SYNPR: variants seen among roughly 807,000 people sequenced by gnomAD.
The protein encoded by SYNPR is synaptoporin.
Under a neutral mutation model 32.9 loss-of-function variants are expected in SYNPR, and 23 were observed. The observed-to-expected ratio is 0.70, with a 90% CI of 0.50 to 0.99. The LOEUF (loss-of-function observed/expected upper bound fraction) is 0.99. Ranked by LOEUF, SYNPR falls within the 50% of genes least tolerant of loss-of-function variation. The pLI is 0.00. For synonymous variants in SYNPR, 146 were observed against 135.9 expected (o/e 1.07, Z -0.52); for missense variants, 318 against 349.3 (o/e 0.91, Z 0.71).
At chr3:63,584,364 G>C (rs1199974393) in intron 4 of SYNPR, among the ~76,000 whole-genome samples, 1 of 152,134 alleles carries the variant, frequency 6.6e-6, no homozygotes. Context: ...TTAAAGCAAT[G>C]AGTTCAGCTT....
At chr3:63,361,533 G>A (rs1216481749) in intron 2 of SYNPR, among the ~76,000 whole-genome samples, 1 of 150,206 alleles carries the variant, frequency 6.7e-6, no homozygotes, top group Non-Finnish European at 1.5e-5. Flanking sequence ...GGGAGGCGGA[G>A]CTTGCAGTGA....
At chr3:63,330,106 C>G (rs2087210278) in intron 2 of SYNPR, 1 of 152,136 alleles carries the variant, frequency 6.6e-6, no homozygotes, top group Non-Finnish European at 1.5e-5. Context: ...CTCAGTGACT[C>G]TTTCTGGACT....
At chr3:63,222,035 T>C in the SYNPR span, among the ~76,000 whole-genome samples, 1 of 142,074 alleles carries the variant, frequency 7.0e-6, no homozygotes, top group African/African-American at 2.7e-5. Flanking sequence ...TTTTTTTTTT[T>C]TGTGAAATGC....
At chr3:63,235,796 TCA>T (rs768165018) in intron 1 of SYNPR, among the ~76,000 whole-genome samples, 2 of 152,176 alleles carry the variant, frequency 1.3e-5, no homozygotes, top group African/African-American at 2.4e-5. Context: ...AAATATTTTC[TCA>T]CAGTCTAGTA....
At chr3:63,586,697 T>C (rs116650284) in intron 4 of SYNPR, among the ~76,000 whole-genome samples, 2,960 of 149,658 alleles carry the variant, frequency 0.02, 110 homozygotes, top group African/African-American at 0.068. Flanking sequence ...TATATATATA[T>C]ATAAGTATAA....
At chr3:63,248,807 G>A (rs2086310098) in intron 1 of SYNPR, among the ~76,000 whole-genome samples, 1 of 152,142 alleles carries the variant, frequency 6.6e-6, no homozygotes, top group Non-Finnish European at 1.5e-5. Flanking sequence ...GATTACGTTA[G>A]CTGTCTCTCA....
intron 2 of SYNPR, among the ~76,000 whole-genome samples, chr3:63,265,337 C>T (rs1365818607): frequency 4.1e-5 from 6 of 146,698 alleles, no homozygotes; most frequent in African/African-American, 1.5e-4. Context: ...ATGCAAACTC[C>T]GCCTCCCAGG....
At chr3:63,246,831 C>A (rs764437140) in intron 1 of SYNPR, among the ~76,000 whole-genome samples, 5 of 152,026 alleles carry the variant, frequency 3.3e-5, no homozygotes, top group Non-Finnish European at 7.4e-5. Context: ...TATATATTAC[C>A]AATTTACAAA....
intron 4 of SYNPR, among the ~76,000 whole-genome samples, chr3:63,561,889 A>G (rs1237262200): frequency 6.6e-6 from 1 of 152,186 alleles, no homozygotes; most frequent in Non-Finnish European, 1.5e-5. Flanking sequence ...TTTCTACTGA[A>G]TATGTATGAC....
intron 2 of SYNPR, among the ~76,000 whole-genome samples, chr3:63,341,921 G>A (rs1020688880): frequency 3.9e-5 from 6 of 152,210 alleles, no homozygotes; most frequent in Admixed American, 2.6e-4. Flanking sequence ...GTTGCATCTA[G>A]AAAGCCATCA....
intron 2 of SYNPR, among the ~76,000 whole-genome samples, chr3:63,414,678 A>T (rs996561043): frequency 6.6e-6 from 1 of 152,206 alleles, no homozygotes; most frequent in African/African-American, 2.4e-5. Flanking sequence ...ATTTTTCTTA[A>T]AGCTAAAAGA....
chr3:63,411,446 A>G (rs2088463642), intron 2 of SYNPR, among the ~76,000 whole-genome samples: 1 of 152,182 alleles, frequency 6.6e-6, no homozygotes, highest in African/African-American at 2.4e-5. Context: ...CTCTCATACT[A>G]GCTAATAGTT....
intron 1 of SYNPR, among the ~76,000 whole-genome samples, chr3:63,237,862 C>A (rs1373083009): frequency 6.6e-6 from 1 of 150,734 alleles, no homozygotes; most frequent in African/African-American, 2.4e-5. Flanking sequence ...TTTCTCCAGG[C>A]CTGGCCTCAG....
intron 2 of SYNPR, among the ~76,000 whole-genome samples, chr3:63,453,489 T>C (rs1700420618): frequency 6.6e-6 from 1 of 152,314 alleles, no homozygotes. Context: ...GGTGTCATAA[T>C]GTCTTCAAAC....
At chr3:63,288,909 C>T (rs902062057) in intron 2 of SYNPR, among the ~76,000 whole-genome samples, 1 of 152,116 alleles carries the variant, frequency 6.6e-6, no homozygotes, top group Non-Finnish European at 1.5e-5. Flanking sequence ...CAGTCTGGAA[C>T]TTAAAGAAGC....
At chr3:63,599,334 G>T (rs186355327) in intron 4 of SYNPR, among the ~76,000 whole-genome samples, 1 of 152,210 alleles carries the variant, frequency 6.6e-6, no homozygotes, top group Non-Finnish European at 1.5e-5. Flanking sequence ...AACTTCCAGT[G>T]CTGCAAGCTC....
At chr3:63,546,228 C>A (rs1206423900) in intron 3 of SYNPR, among the ~76,000 whole-genome samples, 7 of 152,098 alleles carry the variant, frequency 4.6e-5, no homozygotes, top group African/African-American at 1.7e-4. Context: ...CACAGCAATG[C>A]CTCTTTGCAA....
chr3:63,364,827 G>T (rs2087711185), intron 2 of SYNPR, among the ~76,000 whole-genome samples: 1 of 152,124 alleles, frequency 6.6e-6, no homozygotes, highest in African/African-American at 2.4e-5. Context: ...ATGGGATGTG[G>T]GACGTGGGAT....
chr3:63,410,332 T>C (rs17068520), intron 2 of SYNPR, among the ~76,000 whole-genome samples: 3 of 152,300 alleles, frequency 2.0e-5, no homozygotes, highest in African/African-American at 7.2e-5. Flanking sequence ...CCAGAGCTTA[T>C]GCACTGAAAT....
Sources: allele counts gnomAD v4.1 joint callset (sites outside exome capture counted in the v4.1 genomes callset), GRCh38; gene constraint gnomAD v4.1.1; transcripts MANE v1.5; gene names NCBI Gene and HGNC (gene_info 2026-07-23, HGNC 2026-07-21).